The following COMMD10 variants were observed in gnomAD, a reference collection of about 807,000 sequenced individuals.
The protein encoded by COMMD10 is COMM domain containing 10.
Under a neutral mutation model 28.9 loss-of-function variants are expected in COMMD10, and 33 were observed. The ratio of observed to expected loss-of-function variants is 1.14; its 90% CI spans 0.87 to 1.53. COMMD10 has a LOEUF of 1.53. Among genes scored for constraint, COMMD10 ranks in the 40% most tolerant of loss-of-function variants. COMMD10 has a pLI of 0.00. For missense variants in COMMD10, 310 were observed against 233.4 expected (o/e 1.33, Z -2.14); for synonymous variants, 110 against 81.7 (o/e 1.35, Z -1.87).
intron 5 of COMMD10, among the ~76,000 whole-genome samples, chr5:116,256,026 A>T (rs1750274828): frequency 6.6e-6 from 1 of 151,764 alleles, no homozygotes; most frequent in East Asian, 1.9e-4. Context: ...ATTCAATCTC[A>T]GCTAAATAAA....
At chr5:116,203,090 C>T (rs1021598362) in intron 5 of COMMD10, among the ~76,000 whole-genome samples, 4 of 152,018 alleles carry the variant, frequency 2.6e-5, no homozygotes, top group African/African-American at 9.7e-5. Flanking sequence ...GATCCAGTTT[C>T]AGCTTTCTAC....
At chr5:116,230,348 T>C (rs1749498565) in intron 5 of COMMD10, among the ~76,000 whole-genome samples, 1 of 152,066 alleles carries the variant, frequency 6.6e-6, no homozygotes, top group Non-Finnish European at 1.5e-5. Context: ...CAGATATTTC[T>C]CTACTGTAAC....
intron 5 of COMMD10, among the ~76,000 whole-genome samples, chr5:116,270,500 T>C (rs1750726017): frequency 6.6e-6 from 1 of 151,794 alleles, no homozygotes; most frequent in African/African-American, 2.4e-5. Context: ...GTCTAGAGAA[T>C]GGAGATACTG....
chr5:116,282,825 C>G (rs917082693), intron 5 of COMMD10, among the ~76,000 whole-genome samples: 1 of 152,036 alleles, frequency 6.6e-6, no homozygotes. Flanking sequence ...CCTCCAAGCT[C>G]TGTCTCCAAA....
At chr5:116,175,221 G>A (rs972829104) in intron 5 of COMMD10, among the ~76,000 whole-genome samples, 1 of 151,564 alleles carries the variant, frequency 6.6e-6, no homozygotes, top group Non-Finnish European at 1.5e-5. Flanking sequence ...TTTTGTGTCT[G>A]TATCACCTCA....
chr5:116,146,781 G>A (rs534128181), intron 5 of COMMD10, among the ~76,000 whole-genome samples: 21 of 151,886 alleles, frequency 1.4e-4, no homozygotes, highest in African/African-American at 5.1e-4. Context: ...AAGAATACTT[G>A]TAACTATATA....
intron 4 of COMMD10, among the ~76,000 whole-genome samples, chr5:116,129,075 G>C (rs1034549108): frequency 1.3e-5 from 2 of 151,682 alleles, no homozygotes; most frequent in Admixed American, 1.3e-4. Context: ...ACAATTCCAC[G>C]TGAGACTTTC....
At chr5:116,206,861 C>G (rs971890821) in intron 5 of COMMD10, among the ~76,000 whole-genome samples, 1 of 152,018 alleles carries the variant, frequency 6.6e-6, no homozygotes, top group Non-Finnish European at 1.5e-5. Flanking sequence ...ATCTAATTTC[C>G]TTTGAGAACC....
chr5:116,103,507 A>G (rs995593966), intron 4 of COMMD10, among the ~76,000 whole-genome samples: 10 of 151,324 alleles, frequency 6.6e-5, no homozygotes, highest in Non-Finnish European at 3.0e-5. Flanking sequence ...CCACTTTTTG[A>G]TGGGTTTTTT....
intron 4 of COMMD10, among the ~76,000 whole-genome samples, chr5:116,112,349 A>T (rs55972926): frequency 6.6e-6 from 1 of 151,932 alleles, no homozygotes; most frequent in Non-Finnish European, 1.5e-5. Context: ...CTTTTAGTCT[A>T]TGTGTCTTCA....
intron 5 of COMMD10, among the ~76,000 whole-genome samples, chr5:116,192,262 ACC>A (rs35913184): frequency 0.21 from 30,579 of 143,034 alleles, 5,084 homozygotes; most frequent in African/African-American, 0.47. Context: ...CTCTTTAACA[ACC>A]CCCCCCCCCA....
chr5:116,239,419 G>T (rs540389816), intron 5 of COMMD10, among the ~76,000 whole-genome samples: 12 of 152,140 alleles, frequency 7.9e-5, no homozygotes, highest in Admixed American at 3.9e-4. Flanking sequence ...GTTGGTTTTT[G>T]TTTTTAATTT....
chr5:116,157,090 A>G (rs967391357), intron 5 of COMMD10, among the ~76,000 whole-genome samples: 1 of 152,160 alleles, frequency 6.6e-6, no homozygotes, highest in African/African-American at 2.4e-5. Context: ...TTTTGTTGCT[A>G]CATATCAGAA....
intron 5 of COMMD10, among the ~76,000 whole-genome samples, chr5:116,214,573 T>G (rs893831167): frequency 6.6e-6 from 1 of 152,158 alleles, no homozygotes; most frequent in Non-Finnish European, 1.5e-5. Context: ...TGTAGAAGTT[T>G]CTTCAAGGTG....
chr5:116,255,643 C>A (rs925249174), intron 5 of COMMD10: 2 of 151,484 alleles, frequency 1.3e-5, no homozygotes, highest in African/African-American at 2.4e-5. Context: ...TTAGTGTTTA[C>A]ATTTTATCAT....
intron 5 of COMMD10, among the ~76,000 whole-genome samples, chr5:116,259,954 C>G (rs564006967): frequency 1.4e-4 from 21 of 151,766 alleles, no homozygotes; most frequent in Admixed American, 7.9e-4. Flanking sequence ...TGTGATTTTG[C>G]CTTTAAACTA....
At chr5:116,123,801 G>C (rs968109605) in intron 4 of COMMD10, among the ~76,000 whole-genome samples, 1 of 151,938 alleles carries the variant, frequency 6.6e-6, no homozygotes. Context: ...GTCTTGGGAG[G>C]GTGTATGTGT....
At chr5:116,204,082 G>T (rs555259488) in intron 5 of COMMD10, among the ~76,000 whole-genome samples, 3 of 151,698 alleles carry the variant, frequency 2.0e-5, no homozygotes, top group African/African-American at 7.3e-5. Context: ...AAAGGCAGGG[G>T]TTGCATCCTA....
At position 116,270,736 on chromosome 5, in the gene COMMD10, C is replaced by T. The variant is rs181071052; in HGVS notation, c.511-20781C>T. Among the ~76,000 whole-genome samples, 11 of 151,672 alleles carry T rather than the reference C, an allele frequency of 7.3e-5. No individual in the cohort carries two copies. The East Asian group carries it at 1.7e-3, about 24-fold the overall frequency. ...TGGATCAGCTGAGGTCAGGAGCTCA[C>T]GACCAGCCTGACGAACATGGTGAAA... On this transcript the variant is annotated intron_variant, in intron 5 of 6. Transcript: ENST00000274458.
Sources: allele counts gnomAD v4.1 joint callset (sites outside exome capture counted in the v4.1 genomes callset), GRCh38; gene constraint gnomAD v4.1.1; transcripts MANE v1.5; gene names NCBI Gene and HGNC (gene_info 2026-07-23, HGNC 2026-07-21).